Variants in CTNNA2 observed in about 807,000 individuals in gnomAD.
CTNNA2 encodes the protein catenin alpha-2.
A neutral mutation model predicts 101.0 loss-of-function variants in CTNNA2; 42 were observed. That is an observed-to-expected ratio of 0.42 (90% CI 0.32 to 0.54). The LOEUF is 0.54. CTNNA2 is among the 20% of genes least tolerant of loss of function. The probability of loss-of-function intolerance (pLI) is 0.14; values close to 1 mark genes in which losing one functional copy is unlikely to be tolerated. For missense variants in CTNNA2, 871 were observed against 1,223.1 expected, an observed-to-expected ratio of 0.71 and a Z score of 4.29; for synonymous variants, 450 against 456.4, an observed-to-expected ratio of 0.99 and a Z score of 0.18.
intron 3 of CTNNA2, among the ~76,000 whole-genome samples, chr2:79,333,194 G>A (rs1367870735): frequency 6.6e-6 from 1 of 151,556 alleles, no homozygotes; most frequent in East Asian, 1.9e-4. Flanking sequence ...ACATATTCAA[G>A]CAACACCATC....
At chr2:79,837,211 G>A (rs1679440305) in intron 3 of CTNNA2, among the ~76,000 whole-genome samples, 2 of 152,176 alleles carry the variant, frequency 1.3e-5, no homozygotes. Flanking sequence ...ACCAAGGAGA[G>A]TCAGTCTGAG....
chr2:80,374,665 C>T (rs75584759), intron 7 of CTNNA2, among the ~76,000 whole-genome samples: 1,774 of 143,490 alleles, frequency 0.012, 54 homozygotes, highest in Admixed American at 0.068. Flanking sequence ...ACTGTCTTTC[C>T]TCTGCGTGCG....
At chr2:80,301,836 T>A (rs1262494399) in intron 7 of CTNNA2, 1 of 154,842 alleles carries the variant, frequency 6.5e-6, no homozygotes, top group Non-Finnish European at 1.4e-5. Flanking sequence ...GCTTTTCTTG[T>A]AACACAGGTA....
At chr2:79,958,428 G>A (rs1377357185) in intron 7 of CTNNA2, among the ~76,000 whole-genome samples, 1 of 152,120 alleles carries the variant, frequency 6.6e-6, no homozygotes, top group African/African-American at 2.4e-5. Flanking sequence ...TAATCACAAA[G>A]GTCCTTAAAG....
Position 79,212,630 on chromosome 2 carries a change from A to G in CTNNA2, c.-406+14554A>G, listed in dbSNP as rs368998896. Among the ~76,000 whole-genome samples the G allele has an allele frequency of 2.2e-3, 337 of 151,938 alleles. 2 individuals are homozygous for G. The highest frequency in any genetic ancestry group is 7.7e-3 in the African/African-American group (321 of 41,420). ...TTTGACTAATGAAGGCCGGTCCACT[A>G]TCGGACTGCGTAGAGGTGGGAAGGC... On this transcript the variant is annotated intron_variant, in intron 2 of 21. Transcript: ENST00000466387.
chr2:79,477,168 C>CTTTTTTT (rs5832392), intron 4 of CTNNA2, among the ~76,000 whole-genome samples: 113 of 123,134 alleles, frequency 9.2e-4, no homozygotes, highest in East Asian at 1.6e-3. Flanking sequence ...TCTTTTTTTT[C>CTTTTTTT]TTTTTTTTTT....
intron 2 of CTNNA2, among the ~76,000 whole-genome samples, chr2:79,716,940 G>A (rs1686147409): frequency 6.6e-6 from 1 of 152,154 alleles, no homozygotes; most frequent in African/African-American, 2.4e-5. Flanking sequence ...GTGCTTTAAT[G>A]TTGGAAGGAA....
At chr2:80,319,135 G>A (rs1303092478) in intron 7 of CTNNA2, among the ~76,000 whole-genome samples, 1 of 152,112 alleles carries the variant, frequency 6.6e-6, no homozygotes, top group Non-Finnish European at 1.5e-5. Context: ...ATATGCACAG[G>A]TTAACTATGT....
chr2:79,484,963 C>A lies in CTNNA2; in HGVS notation c.-134-20091C>A, dbSNP rs1451921468. ...GGGGAGATTCTAAAACCTTTACCAG[C>A]CATACTTCATTTTCCAGAACATACT... is the stretch of plus-strand genomic sequence containing the variant. On this transcript the variant is annotated intron_variant, in intron 4 of 21. Transcript: ENST00000466387. Among the ~76,000 whole-genome samples, 4 of 152,088 alleles carry A rather than the reference C, an allele frequency of 2.6e-5. No individual in the cohort carries two copies. In the East Asian group the frequency reaches 5.8e-4, roughly 22 times the overall value.
At chr2:80,007,004 A>G (rs1044061064) in intron 7 of CTNNA2, among the ~76,000 whole-genome samples, 5 of 152,162 alleles carry the variant, frequency 3.3e-5, no homozygotes, top group African/African-American at 4.8e-5. Context: ...TAATGTTTCA[A>G]TGTTACCCTT....
At chr2:80,414,715 G>A (rs745652878) in intron 8 of CTNNA2, among the ~76,000 whole-genome samples, 1 of 152,128 alleles carries the variant, frequency 6.6e-6, no homozygotes, top group East Asian at 1.9e-4. Flanking sequence ...AAAGACACAG[G>A]GTGCCTTAAC....
At chr2:79,852,104 A>T (rs1465245303) in intron 3 of CTNNA2, among the ~76,000 whole-genome samples, 3 of 152,188 alleles carry the variant, frequency 2.0e-5, no homozygotes, top group Non-Finnish European at 4.4e-5. Flanking sequence ...CTATCAGTAT[A>T]TGTTGGATAA....
chr2:79,775,752 T>A (rs909117507), intron 3 of CTNNA2, among the ~76,000 whole-genome samples: 2 of 152,186 alleles, frequency 1.3e-5, no homozygotes, highest in Admixed American at 6.5e-5. Flanking sequence ...ATTCTTGAGT[T>A]TTTTGGTAGG....
rs528460567 is a variant in CTNNA2, at chr2:79,206,650, T to C, written c.-406+8574T>C. On this transcript the variant is annotated intron_variant, in intron 2 of 21. Coordinates refer to the CTNNA2 transcript ENST00000466387. ...TCCCCAGCTTCAGGAGGAACTTAAA[T>C]GAACTAAGCTAGCTGCAATAATTAA... is the stretch of plus-strand genomic sequence containing the variant. 6.6e-5 allele frequency among the ~76,000 whole-genome samples: 10 copies of C among 152,344 alleles called. 1 individual carries two copies. In the South Asian group the frequency reaches 2.1e-3, roughly 32 times the overall value.
At chr2:80,630,181 G>A (rs901637304) in intron 18 of CTNNA2, among the ~76,000 whole-genome samples, 1 of 152,128 alleles carries the variant, frequency 6.6e-6, no homozygotes, top group Admixed American at 6.6e-5. Context: ...CGGTAATTAA[G>A]GGTTTCAGTG....
chr2:79,575,457 C>T (rs1675733493), intron 1 of CTNNA2: 1 of 152,152 alleles, frequency 6.6e-6, no homozygotes. Context: ...TTTTTCTCTA[C>T]TGGCATCCTC....
intron 7 of CTNNA2, chr2:80,163,089 G>A (rs780799915): frequency 3.5e-5 from 55 of 1,579,530 alleles, no homozygotes; most frequent in African/African-American, 5.4e-5. Flanking sequence ...ATTCACAAAC[G>A]CAAACTGCTT....
At chr2:79,331,043 AT>A (rs1233553083) in intron 3 of CTNNA2, among the ~76,000 whole-genome samples, 1 of 152,130 alleles carries the variant, frequency 6.6e-6, no homozygotes, top group African/African-American at 2.4e-5. Flanking sequence ...TCTGTTCTGC[AT>A]TTTTCAACCT....
At chr2:80,587,260 G>A (rs774144389) in intron 14 of CTNNA2, among the ~76,000 whole-genome samples, 29 of 152,080 alleles carry the variant, frequency 1.9e-4, no homozygotes, top group Non-Finnish European at 2.1e-4. Flanking sequence ...ACAGTACCCA[G>A]TACTTGTGGA....
Sources: gnomAD v4.1 joint callset for allele counts (sites outside exome capture counted in the v4.1 genomes callset) on GRCh38, gnomAD v4.1.1 for gene constraint, MANE v1.5 for transcripts, NCBI Gene and HGNC (gene_info 2026-07-23, HGNC 2026-07-21) for gene names.